EXOC4: variants seen among roughly 807,000 people sequenced by gnomAD.
The protein encoded by EXOC4 is SEC8-like 1.
In EXOC4, 71 loss-of-function variants were observed where a neutral mutation model predicts 107.2. The ratio of observed to expected loss-of-function variants is 0.66; its 90% confidence interval spans 0.55 to 0.81. The LOEUF is 0.81. Ranked by LOEUF, EXOC4 falls within the 30% of genes least tolerant of loss-of-function variation. The pLI, the probability that EXOC4 is intolerant of heterozygous loss-of-function variation, is 0.00. For synonymous variants in EXOC4, 456 were observed against 441.2 expected (o/e 1.03, Z -0.42); for missense variants, 1,108 against 1,189.6 (o/e 0.93, Z 1.01).
At chr7:133,815,624 G>T (rs977994812) in intron 10 of EXOC4, among the ~76,000 whole-genome samples, 2 of 152,154 alleles carry the variant, frequency 1.3e-5, no homozygotes, top group Non-Finnish European at 2.9e-5. Flanking sequence ...GTTTGGCTCG[G>T]TTGCCAGCAT....
At chr7:133,568,714 A>G (rs553107224) in intron 9 of EXOC4, among the ~76,000 whole-genome samples, 112 of 152,338 alleles carry the variant, frequency 7.4e-4, no homozygotes, top group Middle Eastern at 3.4e-3. Flanking sequence ...ATGAAAAAGC[A>G]TAAGAAGTGT....
intron 10 of EXOC4, among the ~76,000 whole-genome samples, chr7:133,649,233 C>A (rs1015364482): frequency 2.6e-5 from 4 of 152,134 alleles, no homozygotes; most frequent in African/African-American, 9.7e-5. Context: ...AATTCCTCTT[C>A]TCCAGATATT....
intron 9 of EXOC4, among the ~76,000 whole-genome samples, chr7:133,567,328 T>G (rs1204599815): frequency 6.6e-6 from 1 of 152,128 alleles, no homozygotes; most frequent in Non-Finnish European, 1.5e-5. Context: ...ACATCATTTT[T>G]TTTTCATTTT....
Position 133,370,733 on chromosome 7 carries a change from C to A in EXOC4, c.1008-4095C>A, listed in dbSNP as rs371140809. 5.3e-5 allele frequency among the ~76,000 whole-genome samples: 8 copies of A among 152,312 alleles called. No individual in the cohort carries two copies. The East Asian group carries it at 1.3e-3, about 26-fold the overall frequency. On this transcript the variant is annotated intron_variant, in intron 6 of 17. Transcript: ENST00000253861. ...TCGCAAGATTTATTTTCCTTTCACA[C>A]AGGAAAGGTAACCATTCTCCTCAGT...
At chr7:133,624,162 C>T (rs1420340644) in intron 9 of EXOC4, among the ~76,000 whole-genome samples, 1 of 152,104 alleles carries the variant, frequency 6.6e-6, no homozygotes, top group Non-Finnish European at 1.5e-5. Flanking sequence ...AAAATCAGGA[C>T]ACATTAAAAA....
chr7:133,600,908 A>G (rs757331842), intron 9 of EXOC4, among the ~76,000 whole-genome samples: 1 of 152,218 alleles, frequency 6.6e-6, no homozygotes, highest in African/African-American at 2.4e-5. Context: ...CTCAGCTTCT[A>G]TAGCAGTATC....
intron 10 of EXOC4, among the ~76,000 whole-genome samples, chr7:133,773,960 G>A (rs116057406): frequency 1.1e-4 from 17 of 152,110 alleles, no homozygotes; most frequent in African/African-American, 3.1e-4. Context: ...GTATTAGGCC[G>A]TTCTTTCTTA....
At chr7:134,100,584 G>A in the EXOC4 span, among the ~76,000 whole-genome samples, 1 of 130,314 alleles carries the variant, frequency 7.7e-6, no homozygotes, top group African/African-American at 2.6e-5. Context: ...ACCACGGTCT[G>A]TAAAGGAGCC....
In EXOC4 at chr7:133,817,440, A is replaced by G. The variant is rs750291765; in HGVS notation, c.1630A>G (p.Ile544Val). 1.2e-6 allele frequency: 2 copies of G among 1,614,150 alleles called. No individual in the cohort carries two copies. The highest frequency in any genetic ancestry group is 2.2e-5 in the South Asian group (2 of 91,082). The change falls in exon 11 of 18, where the codon ATC becomes GTC. Residue 544 changes from isoleucine to valine, a missense_variant. Coordinates refer to ENST00000253861, the MANE Select transcript of EXOC4 (RefSeq NM_021807.4). ...NIFLNQVLAE[I>V]NKEIEGVTKT... ...CTTTCTCAATCAAGTCTTGGCTGAG[A>G]TCAACAAGGAGATTGAAGGAGTCAC...
chr7:133,415,324 C>T (rs1797451087), intron 7 of EXOC4, among the ~76,000 whole-genome samples: 1 of 135,776 alleles, frequency 7.4e-6, no homozygotes, highest in Non-Finnish European at 1.6e-5. Flanking sequence ...CCTGGTAACC[C>T]TATGTTGGAA....
At chr7:133,489,303 A>G (rs1283309360) in intron 9 of EXOC4, among the ~76,000 whole-genome samples, 1 of 152,200 alleles carries the variant, frequency 6.6e-6, no homozygotes, top group African/African-American at 2.4e-5. Context: ...AAACTGTACA[A>G]ATGTCATATG....
chr7:133,608,840 C>T (rs1232095596), intron 9 of EXOC4, among the ~76,000 whole-genome samples: 1 of 152,078 alleles, frequency 6.6e-6, no homozygotes. Flanking sequence ...AGCCATCACC[C>T]CCAACCTTAA....
intron 14 of EXOC4, among the ~76,000 whole-genome samples, chr7:133,990,603 G>A (rs190124935): frequency 1.6e-4 from 25 of 152,030 alleles, no homozygotes; most frequent in Admixed American, 1.6e-3. Flanking sequence ...TTACAGGCAC[G>A]TGCCACCATG....
At chr7:133,410,751 T>G (rs1371889964) in intron 7 of EXOC4, among the ~76,000 whole-genome samples, 1 of 152,232 alleles carries the variant, frequency 6.6e-6, no homozygotes, top group African/African-American at 2.4e-5. Flanking sequence ...TGTGAGTTTC[T>G]TTTCTATATA....
intron 7 of EXOC4, among the ~76,000 whole-genome samples, chr7:133,383,912 A>G (rs1796671881): frequency 2.6e-5 from 4 of 152,178 alleles, no homozygotes. Context: ...TGCTCCTAGA[A>G]TGTTTCTTCT....
At chr7:133,356,181 T>C in intron 5 of EXOC4, 149 bp from the exon 6 acceptor site, 1 of 754,366 alleles carries the variant, frequency 1.3e-6, no homozygotes, top group Non-Finnish European at 2.1e-6. Flanking sequence ...GACTTTTGGA[T>C]GGTTACTGTG....
At chr7:133,701,029 A>G (rs748702586) in intron 10 of EXOC4, among the ~76,000 whole-genome samples, 1 of 152,182 alleles carries the variant, frequency 6.6e-6, no homozygotes, top group African/African-American at 2.4e-5. Flanking sequence ...AATAGAAAAG[A>G]CCAGGTAAGC....
intron 14 of EXOC4, among the ~76,000 whole-genome samples, chr7:133,950,883 A>G (rs868692448): frequency 6.6e-6 from 1 of 152,198 alleles, no homozygotes; most frequent in Non-Finnish European, 1.5e-5. Context: ...AAAATCCACC[A>G]TCTTATTACT....
At chr7:133,563,295 A>G (rs1480096145) in intron 9 of EXOC4, among the ~76,000 whole-genome samples, 4 of 152,174 alleles carry the variant, frequency 2.6e-5, no homozygotes, top group African/African-American at 9.7e-5. Context: ...ATGTCTCAAG[A>G]AATGTATGCG....
Sources: gnomAD v4.1 joint callset for allele counts (sites outside exome capture counted in the v4.1 genomes callset) on GRCh38, gnomAD v4.1.1 for gene constraint, MANE v1.5 for transcripts, NCBI Gene and HGNC (gene_info 2026-07-23, HGNC 2026-07-21) for gene names.